The following DOCK1 variants were observed in gnomAD, a reference collection of about 807,000 sequenced individuals.
DOCK1 encodes dedicator of cytokinesis protein 1.
A neutral mutation model predicts 262.7 loss-of-function variants in DOCK1; 138 were observed. The observed-to-expected ratio is 0.53, with a 90% CI of 0.46 to 0.61. The LOEUF (loss-of-function observed/expected upper bound fraction) is 0.61, where lower values mean the gene tolerates loss of function less well. Ranked by LOEUF, DOCK1 falls within the 20% of genes least tolerant of loss-of-function variation. The probability of loss-of-function intolerance (pLI) is 0.00; values close to 1 mark genes in which losing one functional copy is unlikely to be tolerated. For missense variants in DOCK1, 1,908 were observed against 2,370.7 expected, an observed-to-expected ratio of 0.80 and a Z score of 4.05; for synonymous variants, 866 against 867.4, an observed-to-expected ratio of 1.00 and a Z score of 0.03.
chr10:126,973,041 T>C (rs1326944763), intron 2 of DOCK1, among the ~76,000 whole-genome samples: 1 of 151,952 alleles, frequency 6.6e-6, no homozygotes, highest in East Asian at 1.9e-4. Flanking sequence ...CAGACACTTT[T>C]CTGATTTGAA....
intron 31 of DOCK1, among the ~76,000 whole-genome samples, chr10:127,351,699 T>C (rs2133848675): frequency 6.6e-6 from 1 of 152,196 alleles, no homozygotes; most frequent in African/African-American, 2.4e-5. Context: ...AGCCCTACGC[T>C]CTCAATTATC....
intron 27 of DOCK1, among the ~76,000 whole-genome samples, chr10:127,191,193 T>G (rs563262449): frequency 6.6e-5 from 10 of 152,264 alleles, no homozygotes; most frequent in African/African-American, 2.4e-4. Context: ...AGCCGGGGCA[T>G]CACTCTCTGC....
chr10:127,294,456 G>T (rs2061440087), intron 29 of DOCK1, among the ~76,000 whole-genome samples: 1 of 151,830 alleles, frequency 6.6e-6, no homozygotes, highest in Non-Finnish European at 1.5e-5. Flanking sequence ...CCACTAGCTG[G>T]GATTACAGGC....
At chr10:126,930,690 G>A (rs1366879399) in intron 1 of DOCK1, among the ~76,000 whole-genome samples, 8 of 152,356 alleles carry the variant, frequency 5.3e-5, no homozygotes, top group Admixed American at 4.6e-4. Context: ...GTGCACAGGA[G>A]TCCAGGCCAA....
At chr10:126,937,682 T>G (rs970075313) in intron 1 of DOCK1, among the ~76,000 whole-genome samples, 80 of 152,300 alleles carry the variant, frequency 5.3e-4, no homozygotes, top group African/African-American at 1.9e-3. Context: ...TTCAAGCTCT[T>G]TGCCCATTTT....
intron 27 of DOCK1, among the ~76,000 whole-genome samples, chr10:127,239,660 GTTTT>G (rs1184624340): frequency 6.6e-6 from 1 of 152,028 alleles, no homozygotes; most frequent in Non-Finnish European, 1.5e-5. Context: ...AATAATAAGA[GTTTT>G]TTTAAGACCG....
chr10:126,934,138 AT>A lies in DOCK1; in HGVS notation c.46+28586del, dbSNP rs1239327801. On this transcript the variant is annotated intron_variant, in intron 1 of 51. Coordinates refer to ENST00000623213, the MANE Select transcript of DOCK1 (RefSeq NM_001290223.2). ...AACCTATTTTACTCTTAAAACTCAG[AT>A]TTTTTTTTTTGAGACTAAGTTTCAC... is the stretch of plus-strand genomic sequence containing the variant. Among the ~76,000 whole-genome samples, 62 of 148,610 alleles carry A rather than the reference AT, an allele frequency of 4.2e-4. No individual in the cohort carries two copies. In the East Asian group the frequency reaches 7.8e-3, roughly 19 times the overall value.
chr10:127,039,301 C>T (rs1048232504), intron 19 of DOCK1, among the ~76,000 whole-genome samples: 21 of 152,184 alleles, frequency 1.4e-4, no homozygotes, highest in African/African-American at 3.9e-4. Context: ...AATACATGAA[C>T]GTAGTTGAGA....
intron 32 of DOCK1, among the ~76,000 whole-genome samples, chr10:127,361,694 A>AG (rs2064461263): frequency 6.6e-6 from 1 of 152,176 alleles, no homozygotes; most frequent in African/African-American, 2.4e-5. Flanking sequence ...TTAGAGGCTG[A>AG]GACCCCCGAC....
rs543880505 is a variant in DOCK1 at position 127,125,520 on chromosome 10, C to T, written c.2670C>T (p.Tyr890=). 3.8e-5 allele frequency: 61 copies of T among 1,613,826 alleles called. No homozygotes were observed. In the South Asian group the frequency reaches 6.5e-4, roughly 17 times the overall value. ...CCATGATGACCGATCAGCTCAAGTA[C>T]CATCTGGAGAGACAGGAGGACCTGG... ...LLPMMTDQLK[Y]HLERQEDLEA... is the part of the protein sequence containing the mutation. Residue 890 remains tyrosine (Y), a synonymous_variant, in exon 26 of 52, where the codon TAC becomes TAT. Transcript: ENST00000623213.
chr10:127,164,823 T>C (rs2133738641), intron 27 of DOCK1, among the ~76,000 whole-genome samples: 1 of 152,332 alleles, frequency 6.6e-6, no homozygotes, highest in African/African-American at 2.4e-5. Flanking sequence ...TTTTCCTTCC[T>C]TCATTCATGC....
chr10:127,226,719 C>G (rs370588926), intron 27 of DOCK1, among the ~76,000 whole-genome samples: 13 of 151,966 alleles, frequency 8.6e-5, no homozygotes, highest in African/African-American at 2.7e-4. Flanking sequence ...ATTCCAGCCT[C>G]GGTGACAGGG....
intron 27 of DOCK1, among the ~76,000 whole-genome samples, chr10:127,230,793 GT>G (rs1246850871): frequency 4.0e-5 from 6 of 150,202 alleles, no homozygotes; most frequent in African/African-American, 1.5e-4. Context: ...TTTTTTGTTT[GT>G]TTTTGGTGGT....
intron 29 of DOCK1, among the ~76,000 whole-genome samples, chr10:127,276,840 G>C (rs1389668323): frequency 1.3e-5 from 2 of 152,180 alleles, no homozygotes; most frequent in East Asian, 3.9e-4. Flanking sequence ...AAATCACATG[G>C]TAAACGTTAT....
intron 27 of DOCK1, among the ~76,000 whole-genome samples, chr10:127,171,797 G>A (rs532122899): frequency 5.9e-5 from 9 of 152,206 alleles, no homozygotes; most frequent in East Asian, 5.8e-4. Context: ...TCCACCTCCC[G>A]GGTTCAAGCA....
intron 27 of DOCK1, among the ~76,000 whole-genome samples, chr10:127,232,559 A>T (rs193116867): frequency 6.6e-6 from 1 of 152,260 alleles, no homozygotes; most frequent in East Asian, 1.9e-4. Flanking sequence ...TGATATTCCT[A>T]CCATATTTAC....
At chr10:127,066,824 C>G (rs546500206) in intron 23 of DOCK1, among the ~76,000 whole-genome samples, 1 of 152,348 alleles carries the variant, frequency 6.6e-6, no homozygotes, top group Non-Finnish European at 1.5e-5. Flanking sequence ...GATGAAGACA[C>G]TGAGGCCTAG....
intron 27 of DOCK1, among the ~76,000 whole-genome samples, chr10:127,207,535 A>C (rs1367615269): frequency 6.6e-6 from 1 of 152,218 alleles, no homozygotes; most frequent in Non-Finnish European, 1.5e-5. Flanking sequence ...GAGAGTATTC[A>C]TTCCTGTACA....
chr10:127,150,191 G>C (rs969544729), intron 27 of DOCK1, among the ~76,000 whole-genome samples: 2 of 152,096 alleles, frequency 1.3e-5, no homozygotes, highest in Non-Finnish European at 2.9e-5. Flanking sequence ...ACCTGAATAG[G>C]TGACTCCTCC....
Sources: gnomAD v4.1 joint callset for allele counts (sites outside exome capture counted in the v4.1 genomes callset) on GRCh38, gnomAD v4.1.1 for gene constraint, MANE v1.5 for transcripts, NCBI Gene and HGNC (gene_info 2026-07-23, HGNC 2026-07-21) for gene names.